Variants in CXADR observed in about 807,000 individuals in gnomAD.
CXADR encodes the protein coxsackievirus and adenovirus receptor.
Under a neutral mutation model 40.3 loss-of-function variants are expected in CXADR, and 20 were observed. The ratio of observed to expected loss-of-function variants is 0.50; its 90% CI spans 0.35 to 0.72. The LOEUF (loss-of-function observed/expected upper bound fraction) is 0.72, where lower values mean the gene tolerates loss of function less well. Among genes scored for constraint, CXADR ranks in the 30% least tolerant of loss-of-function variants. The probability of loss-of-function intolerance (pLI) is 0.01; values close to 1 mark genes in which losing one functional copy is unlikely to be tolerated. For synonymous variants in CXADR, 150 were observed against 161.3 expected (o/e 0.93, Z 0.53); for missense variants, 332 against 449.1 (o/e 0.74, Z 2.36).
In CXADR at chr21:17,551,652, C is replaced by A; in HGVS notation, c.211-97C>A. The A allele has an allele frequency of 5.1e-6, 5 of 979,444 alleles. No homozygotes were observed. The East Asian group carries it at 1.1e-4, about 21-fold the overall frequency. 60.7% of individuals were successfully genotyped at this position (979,444 alleles called of 1,614,324 possible). A position where few individuals can be genotyped will look rare whatever the true frequency, so the allele number is the denominator to read the frequency against. ...CTTCTTTTTCTTTTCTGGGAGGGGGCGTTCTGTAGCAGCAGGTGTATCCAG... is the reference window on the plus strand; with the variant it reads ...CTTCTTTTTCTTTTCTGGGAGGGGGAGTTCTGTAGCAGCAGGTGTATCCAG... On this transcript the variant is annotated intron_variant, in intron 2 of 6. Coordinates refer to ENST00000284878, the MANE Select transcript of CXADR (RefSeq NM_001338.5).
chr21:17,522,909 T>C lies in CXADR; in HGVS notation c.43+9737T>C, dbSNP rs77258353. ...ATCTCCAGCTGATTCTGTTTCACAC[T>C]CTTCTCTCTCATATTAATTGGCATT... On this transcript the variant is annotated intron_variant, in intron 1 of 6. Transcript: ENST00000284878. Among the ~76,000 whole-genome samples the C allele has an allele frequency of 1.6e-3, 249 of 152,306 alleles. 3 individuals carry two copies. The South Asian group carries it at 0.032, about 19-fold the overall frequency.
intron 1 of CXADR, among the ~76,000 whole-genome samples, chr21:17,544,591 G>A (rs918886122): frequency 6.6e-6 from 1 of 152,142 alleles, no homozygotes; most frequent in African/African-American, 2.4e-5. Flanking sequence ...TGCCCCCTCT[G>A]TGGTTTGTTC....
chr21:17,557,542 T>A (rs548855552), intron 3 of CXADR, among the ~76,000 whole-genome samples: 2 of 152,328 alleles, frequency 1.3e-5, no homozygotes, highest in East Asian at 3.9e-4. Flanking sequence ...TTGCTCCTTG[T>A]CAGTTTGGCT....
At position 17,542,020 on chromosome 21, in the gene CXADR, T is replaced by C. The variant is rs910794161; in HGVS notation, c.44-5007T>C. The C allele has an allele frequency of 9.5e-5, 35 of 366,886 alleles. No homozygotes were observed. The Admixed American group carries it at 1.2e-3, about 13-fold the overall frequency. 22.7% of individuals were successfully genotyped at this position (366,886 alleles called of 1,614,324 possible). A position where few individuals can be genotyped will look rare whatever the true frequency, so the allele number is the denominator to read the frequency against. ...TTTTCAATATTTTGCCTGAAACAAT[T>C]ATTACTCTGTTTTTGCCAAATGGTG... On this transcript the variant is annotated intron_variant, in intron 1 of 6. Coordinates refer to ENST00000284878, the MANE Select transcript of CXADR (RefSeq NM_001338.5).
At chr21:17,541,846 G>A (rs957434075) in intron 1 of CXADR, among the ~76,000 whole-genome samples, 10 of 152,094 alleles carry the variant, frequency 6.6e-5, no homozygotes, top group African/African-American at 2.4e-4. Context: ...TCTGGTGAAG[G>A]TAAATTTGAT....
At chr21:17,514,221 G>T (rs2060429534) in intron 1 of CXADR, among the ~76,000 whole-genome samples, 1 of 151,996 alleles carries the variant, frequency 6.6e-6, no homozygotes, top group East Asian at 1.9e-4. Context: ...TTGTTGTTAG[G>T]TGCTCTGAAG....
chr21:17,622,404 G>A, the CXADR span, among the ~76,000 whole-genome samples: 2,192 of 152,252 alleles, frequency 0.014, 30 homozygotes, highest in Middle Eastern at 0.041. Context: ...GGTAATGGCA[G>A]CAGGTCAGGT....
intron 1 of CXADR, among the ~76,000 whole-genome samples, chr21:17,535,355 C>G (rs1394506021): frequency 6.6e-6 from 1 of 152,024 alleles, no homozygotes; most frequent in Non-Finnish European, 1.5e-5. Context: ...ATCTACCATG[C>G]CTGGCTAATT....
intron 1 of CXADR, among the ~76,000 whole-genome samples, chr21:17,537,021 G>A (rs150808483): frequency 6.6e-6 from 1 of 152,168 alleles, no homozygotes; most frequent in Non-Finnish European, 1.5e-5. Context: ...GCCTCCCAAA[G>A]TGCTGGGATT....
chr21:17,578,957 C>T (rs892023212), intron 7 of CXADR, among the ~76,000 whole-genome samples: 4 of 152,162 alleles, frequency 2.6e-5, no homozygotes, highest in Non-Finnish European at 4.4e-5. Context: ...CACATCCCCC[C>T]TTCACCAGAT....
intron 2 of CXADR, among the ~76,000 whole-genome samples, chr21:17,549,290 T>C (rs1159232873): frequency 6.6e-6 from 1 of 152,242 alleles, no homozygotes; most frequent in Non-Finnish European, 1.5e-5. Context: ...ACAGCTGCTC[T>C]GTTATCATTT....
the CXADR span, among the ~76,000 whole-genome samples, chr21:17,606,188 TC>T: frequency 6.6e-6 from 1 of 152,146 alleles, no homozygotes; most frequent in Non-Finnish European, 1.5e-5. Context: ...CTCATGATCA[TC>T]CTGTGAGTTA....
intron 2 of CXADR, among the ~76,000 whole-genome samples, chr21:17,549,462 G>C (rs1021395799): frequency 6.6e-6 from 1 of 152,210 alleles, no homozygotes; most frequent in Non-Finnish European, 1.5e-5. Flanking sequence ...TGATAATCAT[G>C]TACTGTGCCA....
intron 2 of CXADR, 30 bp downstream of exon 2, chr21:17,547,223 C>A: frequency 6.2e-7 from 1 of 1,613,236 alleles, no homozygotes. Flanking sequence ...GCTCGCTTAG[C>A]AGCTGTCTGT....
chr21:17,620,435 A>G, the CXADR span, among the ~76,000 whole-genome samples: 1 of 152,230 alleles, frequency 6.6e-6, no homozygotes, highest in Non-Finnish European at 1.5e-5. Flanking sequence ...GGCACCTCAT[A>G]ACAATCAAAA....
chr21:17,513,246 A>G (rs1365248583), intron 1 of CXADR, 74 bp downstream of exon 1: 1 of 1,301,580 alleles, frequency 7.7e-7, no homozygotes, highest in Non-Finnish European at 9.9e-7. Flanking sequence ...ACCCAGGAAC[A>G]ATGGGGCGTG....
intron 1 of CXADR, among the ~76,000 whole-genome samples, chr21:17,528,650 C>T (rs1241591041): frequency 6.6e-6 from 1 of 152,064 alleles, no homozygotes; most frequent in African/African-American, 2.4e-5. Context: ...TCAGGTGATC[C>T]GCCCACCTTG....
chr21:17,607,036 T>C, the CXADR span, among the ~76,000 whole-genome samples: 1 of 152,228 alleles, frequency 6.6e-6, no homozygotes. Flanking sequence ...TTCTACAGAC[T>C]GAAGTCTCTA....
chr21:17,567,396 A>G lies in CXADR; in HGVS notation c.*1704A>G. ...TAAAATTACTTTTATACTCGTGTTA[A>G]CATTTTCATCTGTGCCTTTTGGTAA... On this transcript the variant is annotated 3_prime_UTR_variant, in exon 7 of 7. Transcript: ENST00000284878. 6 of 985,054 alleles carry G rather than the reference A, an allele frequency of 6.1e-6. No homozygotes were observed. The highest frequency in any genetic ancestry group is 7.2e-6 in the Non-Finnish European group (6 of 829,558). 61.0% of individuals were successfully genotyped at this position (985,054 alleles called of 1,614,324 possible).
Sources: allele counts gnomAD v4.1 joint callset (sites outside exome capture counted in the v4.1 genomes callset), GRCh38; gene constraint gnomAD v4.1.1; transcripts MANE v1.5; gene names NCBI Gene and HGNC (gene_info 2026-07-23, HGNC 2026-07-21).